INPP4B: variants seen among roughly 807,000 people sequenced by gnomAD.
The protein encoded by INPP4B is inositol polyphosphate 4-phosphatase type II.
In INPP4B, 55 loss-of-function variants were observed where a neutral mutation model predicts 122.5. The observed-to-expected ratio is 0.45, with a 90% CI of 0.36 to 0.56. INPP4B has a LOEUF of 0.56. INPP4B is among the 20% of genes least tolerant of loss of function. The pLI is 0.00. For missense variants in INPP4B, 1,000 were observed against 1,097.7 expected, an observed-to-expected ratio of 0.91 and a Z score of 1.26; for synonymous variants, 403 against 388.7, an observed-to-expected ratio of 1.04 and a Z score of -0.43.
At chr4:142,693,483 TAAAAAAAAAAAAAAAAAAAAAAAAAAA>T (rs554003993) in intron 2 of INPP4B, among the ~76,000 whole-genome samples, 7,188 of 52,348 alleles carry the variant, frequency 0.14, 446 homozygotes, top group South Asian at 0.18. Context: ...TGCCTTTTTC[TAAAAAAAAAAAAAAAAAAAAAAAAAAA>T]AAAAAAAAAA....
chr4:142,434,642 C>T (rs184115558), intron 3 of INPP4B, among the ~76,000 whole-genome samples: 5 of 152,240 alleles, frequency 3.3e-5, no homozygotes, highest in East Asian at 1.9e-4. Context: ...AAAAGGGATA[C>T]GGTGACCCTG....
chr4:142,532,734 T>C (rs1827766384), intron 2 of INPP4B, among the ~76,000 whole-genome samples: 2 of 152,168 alleles, frequency 1.3e-5, no homozygotes, highest in Admixed American at 1.3e-4. Context: ...AAAAATGGAA[T>C]ATGACAAAAT....
chr4:142,496,111 C>T (rs1329287557), intron 2 of INPP4B, among the ~76,000 whole-genome samples: 2 of 152,102 alleles, frequency 1.3e-5, no homozygotes, highest in African/African-American at 4.8e-5. Flanking sequence ...CCTCACATTA[C>T]TTACTACAGT....
Position 142,427,229 on chromosome 4 carries a change from A to T in INPP4B, c.136+1944T>A, listed in dbSNP as rs1580026219. Reference sequence around the variant, plus strand: ...ATCTTAAAGTGCTAAGGAACCTAACAGTTTGGGGACTGTGTCTTCTAGGAT... The same window carrying T: ...ATCTTAAAGTGCTAAGGAACCTAACTGTTTGGGGACTGTGTCTTCTAGGAT... On this transcript the variant is annotated intron_variant, in intron 5 of 25. Transcript: ENST00000262992. The T allele has an allele frequency of 1.5e-5, 4 of 260,536 alleles. No homozygotes were observed. In the East Asian group the frequency reaches 2.6e-4, roughly 17 times the overall value. The allele number at this position is 260,536 out of a possible 1,614,324, so 16.1% of individuals were successfully genotyped here.
intron 9 of INPP4B, among the ~76,000 whole-genome samples, chr4:142,286,043 A>C (rs1355399126): frequency 6.6e-6 from 1 of 152,240 alleles, no homozygotes; most frequent in East Asian, 1.9e-4. Context: ...CAGTCTATAT[A>C]GAACAATAAA....
At chr4:142,685,583 T>C (rs1759229537) in intron 2 of INPP4B, among the ~76,000 whole-genome samples, 1 of 152,034 alleles carries the variant, frequency 6.6e-6, no homozygotes, top group Non-Finnish European at 1.5e-5. Flanking sequence ...TCCAAAGCAG[T>C]TATACTTGGT....
chr4:142,469,369 GAAGTA>G (rs1434067030), intron 2 of INPP4B, among the ~76,000 whole-genome samples: 1 of 151,986 alleles, frequency 6.6e-6, no homozygotes, highest in African/African-American at 2.4e-5. Context: ...GCTATAAAGA[GAAGTA>G]AAGAACTGTA....
chr4:142,287,516 T>G (rs1378443297), intron 9 of INPP4B: 1 of 152,192 alleles, frequency 6.6e-6, no homozygotes, highest in Non-Finnish European at 1.5e-5. Context: ...TGTCCCGGCT[T>G]ACTAAGCATT....
chr4:142,601,593 A>AG (rs1739934901), intron 2 of INPP4B, among the ~76,000 whole-genome samples: 1 of 151,944 alleles, frequency 6.6e-6, no homozygotes, highest in African/African-American at 2.4e-5. Context: ...AAAAAAAAAA[A>AG]AAAAGACCAG....
chr4:142,142,857 C>T (rs1055409588), intron 18 of INPP4B, among the ~76,000 whole-genome samples: 1 of 151,990 alleles, frequency 6.6e-6, no homozygotes, highest in African/African-American at 2.4e-5. Flanking sequence ...GTGAATAAAG[C>T]ACCACATGGA....
intron 15 of INPP4B, among the ~76,000 whole-genome samples, chr4:142,175,134 C>T (rs1222940670): frequency 6.6e-6 from 1 of 152,096 alleles, no homozygotes; most frequent in Non-Finnish European, 1.5e-5. Context: ...TCCCATTATA[C>T]CCAAATGTCA....
intron 15 of INPP4B, among the ~76,000 whole-genome samples, chr4:142,180,008 A>G (rs891439673): frequency 6.6e-6 from 1 of 152,156 alleles, no homozygotes; most frequent in Non-Finnish European, 1.5e-5. Flanking sequence ...CTTATGCCCT[A>G]ATATACTTGA....
chr4:142,208,017 C>A (rs1169501259), intron 14 of INPP4B, among the ~76,000 whole-genome samples: 1 of 151,720 alleles, frequency 6.6e-6, no homozygotes, highest in Non-Finnish European at 1.5e-5. Flanking sequence ...TGATAGTTAT[C>A]AGTAAGTCAA....
chr4:142,272,239 C>T (rs1746202740), intron 9 of INPP4B, among the ~76,000 whole-genome samples: 1 of 151,686 alleles, frequency 6.6e-6, no homozygotes, highest in Admixed American at 6.6e-5. Flanking sequence ...GAGTAGTTTA[C>T]CAAAATGCTA....
At chr4:142,176,170 G>A (rs1828156841) in intron 15 of INPP4B, among the ~76,000 whole-genome samples, 1 of 111,136 alleles carries the variant, frequency 9.0e-6, no homozygotes, top group African/African-American at 2.9e-5. Flanking sequence ...TAAGTTCTAG[G>A]GTACATGTGC....
At chr4:142,345,868 T>C (rs752077570) in intron 7 of INPP4B, among the ~76,000 whole-genome samples, 3 of 152,050 alleles carry the variant, frequency 2.0e-5, no homozygotes, top group Non-Finnish European at 4.4e-5. Context: ...TTCACCTTCA[T>C]CAGTGTACTC....
At chr4:142,477,961 C>T (rs1820007543) in intron 2 of INPP4B, among the ~76,000 whole-genome samples, 1 of 152,162 alleles carries the variant, frequency 6.6e-6, no homozygotes, top group Non-Finnish European at 1.5e-5. Flanking sequence ...CACCACCACA[C>T]CTAGCTAATA....
intron 2 of INPP4B, among the ~76,000 whole-genome samples, chr4:142,493,324 C>T (rs574190622): frequency 6.6e-6 from 1 of 152,270 alleles, no homozygotes; most frequent in South Asian, 2.1e-4. Context: ...TGCAGCACTG[C>T]TTGGTGGAGC....
intron 2 of INPP4B, among the ~76,000 whole-genome samples, chr4:142,545,476 C>G (rs915358421): frequency 5.3e-5 from 8 of 151,930 alleles, no homozygotes; most frequent in African/African-American, 1.9e-4. Flanking sequence ...GAAACTCAAC[C>G]AATATCTATG....
Sources: gnomAD v4.1 joint callset for allele counts (sites outside exome capture counted in the v4.1 genomes callset) on GRCh38, gnomAD v4.1.1 for gene constraint, MANE v1.5 for transcripts, NCBI Gene and HGNC (gene_info 2026-07-23, HGNC 2026-07-21) for gene names.